The following EPB41L2 variants were observed in gnomAD, a reference collection of about 807,000 sequenced individuals.
EPB41L2 encodes erythrocyte membrane protein band 4.1 like 2.
EPB41L2 carries 43 observed loss-of-function variants against 113.0 expected under a neutral mutation model. That is an observed-to-expected ratio of 0.38 (90% confidence interval 0.30 to 0.49). The LOEUF (loss-of-function observed/expected upper bound fraction) is 0.49. Among genes scored for constraint, EPB41L2 ranks in the 20% least tolerant of loss-of-function variants. The pLI, the probability that EPB41L2 is intolerant of heterozygous loss-of-function variation, is 0.95. For missense variants in EPB41L2, 1,147 were observed against 1,223.4 expected (o/e 0.94, Z 0.93); for synonymous variants, 442 against 436.7 (o/e 1.01, Z -0.15).
rs547401885 is a variant in EPB41L2, at chr6:131,036,458, A to G, written c.-15+26697T>C. 3.9e-5 allele frequency among the ~76,000 whole-genome samples: 6 copies of G among 152,330 alleles called. No individual in the cohort carries two copies. In the East Asian group the frequency reaches 1.2e-3, roughly 29 times the overall value. ...GACGGATGTAATAAAAAAACAGCAT[A>G]AAGAGTAGAATAAACTGGGAAAAGG... On this transcript the variant is annotated intron_variant, in intron 1 of 19. Coordinates refer to ENST00000337057, the MANE Select transcript of EPB41L2 (RefSeq NM_001431.4).
At chr6:130,951,937 T>C (rs1815263731) in intron 3 of EPB41L2, among the ~76,000 whole-genome samples, 1 of 152,050 alleles carries the variant, frequency 6.6e-6, no homozygotes, top group Non-Finnish European at 1.5e-5. Flanking sequence ...AAAGATGGTG[T>C]GGAAAAGAGC....
chr6:131,010,572 C>T lies in EPB41L2; in HGVS notation c.-15+52583G>A, dbSNP rs142273092. ...GGATTATGGGTACACACCACCATGC[C>T]CAGCTAATTTTTGTATTTTTAGTAG... is the stretch of plus-strand genomic sequence containing the variant. On this transcript the variant is annotated intron_variant, in intron 1 of 19. Transcript: ENST00000337057. 6.5e-3 allele frequency among the ~76,000 whole-genome samples: 988 copies of T among 152,002 alleles called. 19 individuals carry two copies. The highest frequency in any genetic ancestry group is 0.023 in the African/African-American group (954 of 41,438).
At chr6:130,867,940 A>C (rs1034443849) in intron 15 of EPB41L2, 1 of 105,146 alleles carries the variant, frequency 9.5e-6, no homozygotes, top group Admixed American at 9.4e-5. Context: ...GTATAGTGAC[A>C]CACACACACA....
At chr6:130,937,821 G>GAAAAAAAAAAAA (rs66505919) in intron 3 of EPB41L2, among the ~76,000 whole-genome samples, 1,415 of 129,614 alleles carry the variant, frequency 0.011, 66 homozygotes, top group African/African-American at 0.046. Flanking sequence ...ATCTCAAAAA[G>GAAAAAAAAAAAA]AAAAAAAAAA....
At chr6:130,874,859 C>CA (rs571053764) in intron 14 of EPB41L2, among the ~76,000 whole-genome samples, 179 of 152,206 alleles carry the variant, frequency 1.2e-3, no homozygotes, top group African/African-American at 4.2e-3. Flanking sequence ...ACTAAAATGT[C>CA]AAAGTTTCCT....
At chr6:130,902,485 T>C (rs1329379323) in intron 6 of EPB41L2, among the ~76,000 whole-genome samples, 3 of 152,206 alleles carry the variant, frequency 2.0e-5, no homozygotes, top group African/African-American at 7.2e-5. Flanking sequence ...AGACTGAAAG[T>C]CTTCTCGCTA....
chr6:131,005,469 A>G (rs1785279703), intron 1 of EPB41L2, among the ~76,000 whole-genome samples: 1 of 152,216 alleles, frequency 6.6e-6, no homozygotes, highest in Non-Finnish European at 1.5e-5. Context: ...CCTCTGGGCC[A>G]TGCTTTTCCC....
chr6:131,017,384 G>C (rs1452552618), intron 1 of EPB41L2, among the ~76,000 whole-genome samples: 1 of 152,108 alleles, frequency 6.6e-6, no homozygotes, highest in African/African-American at 2.4e-5. Context: ...TCATTTATCA[G>C]AGTTTGCACA....
chr6:130,954,998 C>T (rs1816912679), intron 3 of EPB41L2, 107 bp downstream of exon 3: 2 of 944,342 alleles, frequency 2.1e-6, no homozygotes, highest in Non-Finnish European at 3.3e-6. Context: ...TAGTGCAAAA[C>T]TGTAATCAAC....
At chr6:130,888,261 G>T (rs543941816) in intron 11 of EPB41L2, among the ~76,000 whole-genome samples, 2 of 152,272 alleles carry the variant, frequency 1.3e-5, no homozygotes, top group African/African-American at 4.8e-5. Flanking sequence ...GTCTGGTCAT[G>T]TATTGGCGTT....
At chr6:130,977,983 C>T (rs774362300) in intron 1 of EPB41L2, among the ~76,000 whole-genome samples, 1 of 152,138 alleles carries the variant, frequency 6.6e-6, no homozygotes, top group Non-Finnish European at 1.5e-5. Context: ...TTTTAAAAAG[C>T]AAACATTAAT....
intron 1 of EPB41L2, chr6:131,000,541 G>A (rs968664503): frequency 4.6e-5 from 7 of 152,008 alleles, no homozygotes; most frequent in East Asian, 3.9e-4. Flanking sequence ...TATTCCTTCC[G>A]TTTGAGGAGA....
intron 1 of EPB41L2, among the ~76,000 whole-genome samples, chr6:130,962,692 C>T (rs554076896): frequency 2.0e-5 from 3 of 152,278 alleles, no homozygotes; most frequent in Admixed American, 2.0e-4. Context: ...CTACAATCTT[C>T]CCTAGTTCAA....
At chr6:131,059,973 T>C (rs1463649659) in intron 1 of EPB41L2, among the ~76,000 whole-genome samples, 3 of 152,206 alleles carry the variant, frequency 2.0e-5, no homozygotes, top group Admixed American at 6.5e-5. Flanking sequence ...ATTTTAGAAA[T>C]GCAAAATGTG....
intron 1 of EPB41L2, among the ~76,000 whole-genome samples, chr6:131,001,296 T>C (rs1784320939): frequency 6.7e-6 from 1 of 150,260 alleles, no homozygotes; most frequent in Non-Finnish European, 1.5e-5. Flanking sequence ...GACAAGCAGC[T>C]GAGAGAGAGC....
intron 12 of EPB41L2, chr6:130,882,563 T>A (rs1447916513): frequency 1.3e-5 from 2 of 152,518 alleles, no homozygotes; most frequent in African/African-American, 4.8e-5. Context: ...GTCACAGTCA[T>A]AAGAAACATT....
intron 1 of EPB41L2, among the ~76,000 whole-genome samples, chr6:131,059,720 G>C (rs1423386666): frequency 6.6e-6 from 1 of 152,176 alleles, no homozygotes; most frequent in African/African-American, 2.4e-5. Context: ...ACTCCTAACG[G>C]TTCAGCCCTG....
At chr6:130,929,053 G>A (rs1260481718) in intron 3 of EPB41L2, among the ~76,000 whole-genome samples, 1 of 152,204 alleles carries the variant, frequency 6.6e-6, no homozygotes, top group East Asian at 1.9e-4. Context: ...TATTCTCAAT[G>A]CTTGATGAGA....
intron 1 of EPB41L2, among the ~76,000 whole-genome samples, chr6:130,976,183 G>C (rs1318687057): frequency 6.6e-6 from 1 of 152,094 alleles, no homozygotes; most frequent in South Asian, 2.1e-4. Context: ...TTCCCAGTCG[G>C]TCTATAAAAT....
Sources: gnomAD v4.1 joint callset for allele counts (sites outside exome capture counted in the v4.1 genomes callset) on GRCh38, gnomAD v4.1.1 for gene constraint, MANE v1.5 for transcripts, NCBI Gene and HGNC (gene_info 2026-07-23, HGNC 2026-07-21) for gene names.